Variants in EDEM2 observed in about 807,000 individuals in gnomAD.
EDEM2 encodes ER degradation enhancing alpha-mannosidase like protein 2, also known as ER degradation-enhancing alpha-mannosidase-like protein 2.
EDEM2 carries 39 observed loss-of-function variants against 64.8 expected under a neutral mutation model. The ratio of observed to expected loss-of-function variants is 0.60; its 90% CI spans 0.47 to 0.79. EDEM2 has a LOEUF of 0.79. EDEM2 is among the 30% of genes least tolerant of loss of function. The probability of loss-of-function intolerance (pLI) is 0.00; values close to 1 mark genes in which losing one functional copy is unlikely to be tolerated. For synonymous variants in EDEM2, 296 were observed against 291.5 expected, an observed-to-expected ratio of 1.02 and a Z score of -0.16; for missense variants, 609 against 731.3, an observed-to-expected ratio of 0.83 and a Z score of 1.93.
Position 35,145,027 on chromosome 20 carries a change from G to A in EDEM2, c.219-9C>T, listed in dbSNP as rs1242386142. ...TTAGAGTCAGAGAAAAACTGCAAAA[G>A]GACAGAAATCCCAGCCGCTTAGTAA... is the stretch of plus-strand genomic sequence containing the variant. On this transcript the variant is annotated splice_polypyrimidine_tract_variant and intron_variant, in intron 2 of 10. Coordinates refer to ENST00000374492, the MANE Select transcript of EDEM2 (RefSeq NM_018217.3). 2 of 1,613,800 alleles carry A rather than the reference G, an allele frequency of 1.2e-6. No homozygotes were observed. The highest frequency in any genetic ancestry group is 1.7e-6 in the Non-Finnish European group (2 of 1,179,798).
intron 6 of EDEM2, among the ~76,000 whole-genome samples, chr20:35,132,107 G>T (rs1055606102): frequency 2.0e-5 from 3 of 152,132 alleles, no homozygotes; most frequent in Non-Finnish European, 4.4e-5. Flanking sequence ...TGCTGTTGCC[G>T]CAATCTGTCT....
chr20:35,127,752 T>G (rs2085453666), intron 7 of EDEM2, among the ~76,000 whole-genome samples: 1 of 152,218 alleles, frequency 6.6e-6, no homozygotes, highest in Admixed American at 6.5e-5. Flanking sequence ...CCTCAGTGGA[T>G]GTCTGAAACC....
intron 7 of EDEM2, among the ~76,000 whole-genome samples, chr20:35,126,867 G>A (rs908313096): frequency 2.0e-5 from 3 of 152,074 alleles, no homozygotes; most frequent in East Asian, 1.9e-4. Flanking sequence ...AGCTGAGATC[G>A]CACCATTGCA....
In EDEM2 at chr20:35,115,400, CA is replaced by C. The variant is rs780732055; in HGVS notation, c.*32del. 6.3e-7 allele frequency: 1 copy of C among 1,584,210 alleles called. No homozygotes were observed. On this transcript the variant is annotated 3_prime_UTR_variant, in exon 11 of 11. Coordinates refer to ENST00000374492, the MANE Select transcript of EDEM2 (RefSeq NM_018217.3). ...AAAGCAATTTATTATAGTTTAGCCT[CA>C]AAAAAATAAAAATAAAAAAATTATC... is the stretch of plus-strand genomic sequence containing the variant.
At position 35,146,839 on chromosome 20, in the gene EDEM2, G is replaced by A. The variant is rs1235865479; in HGVS notation, c.204C>T (p.His68=). Residue 68 remains histidine (H), a synonymous_variant, in exon 2 of 11, where the codon CAC becomes CAT. Transcript: ENST00000374492. ...GCTCGCACTACCTGCCCCAGGTGTCGTGCCCGTCACAGGTGAGAGGTCGCA... is the reference window on the plus strand; with the variant it reads ...GCTCGCACTACCTGCCCCAGGTGTCATGCCCGTCACAGGTGAGAGGTCGCA... ...DELRPLTCDG[H]DTWGSFSLTL... is the part of the protein sequence containing the mutation. 1.2e-6 allele frequency: 2 copies of A among 1,613,872 alleles called. No individual in the cohort carries two copies. The highest frequency in any genetic ancestry group is 8.5e-7 in the Non-Finnish European group (1 of 1,179,986).
intron 10 of EDEM2, among the ~76,000 whole-genome samples, chr20:35,118,189 C>G (rs575698420): frequency 1.3e-5 from 2 of 152,274 alleles, no homozygotes; most frequent in South Asian, 4.1e-4. Flanking sequence ...TGAGACTAAG[C>G]AGGACTGCTT....
intron 4 of EDEM2, among the ~76,000 whole-genome samples, chr20:35,138,356 C>T (rs7265596): frequency 0.054 from 8,173 of 152,022 alleles, 736 homozygotes; most frequent in African/African-American, 0.19. Flanking sequence ...GTCCCCTCTT[C>T]GTATGAAGAT....
At chr20:35,122,931 T>G (rs2085386429) in intron 9 of EDEM2, among the ~76,000 whole-genome samples, 1 of 152,198 alleles carries the variant, frequency 6.6e-6, no homozygotes, top group African/African-American at 2.4e-5. Flanking sequence ...AATGGGCTCA[T>G]AGCCTGTTTT....
chr20:35,133,923 G>C (rs1290612260), intron 6 of EDEM2, among the ~76,000 whole-genome samples: 1 of 152,280 alleles, frequency 6.6e-6, no homozygotes, highest in East Asian at 1.9e-4. Context: ...ATATATTAAC[G>C]TTACTGCTGA....
chr20:35,139,349 CAA>C (rs57683623), intron 4 of EDEM2, among the ~76,000 whole-genome samples: 50 of 89,326 alleles, frequency 5.6e-4, no homozygotes, highest in Non-Finnish European at 7.4e-4. Flanking sequence ...GACTCCGTCT[CAA>C]AAAAAAAAAA....
At chr20:35,128,908 T>C (rs1246856889) in intron 7 of EDEM2, among the ~76,000 whole-genome samples, 1 of 147,390 alleles carries the variant, frequency 6.8e-6, no homozygotes, top group Non-Finnish European at 1.5e-5. Context: ...TACAAATGAG[T>C]CAAAAAGTTT....
chr20:35,119,558 G>A (rs189868252), intron 9 of EDEM2, among the ~76,000 whole-genome samples: 136 of 151,862 alleles, frequency 9.0e-4, no homozygotes, highest in Non-Finnish European at 1.5e-3. Context: ...AAGCCACTGC[G>A]GCACTCCAGC....
chr20:35,132,314 A>C (rs1467153117), intron 6 of EDEM2, among the ~76,000 whole-genome samples: 3 of 151,318 alleles, frequency 2.0e-5, no homozygotes, highest in Non-Finnish European at 4.4e-5. Context: ...GTATCCTTTG[A>C]CTTTTTTTTT....
chr20:35,133,392 C>G (rs2146103638), intron 6 of EDEM2, among the ~76,000 whole-genome samples: 1 of 151,792 alleles, frequency 6.6e-6, no homozygotes, highest in South Asian at 2.1e-4. Context: ...CCAACAGAGT[C>G]TACTACGGTC....
chr20:35,128,245 T>C (rs1016705820), intron 7 of EDEM2, among the ~76,000 whole-genome samples: 1 of 151,616 alleles, frequency 6.6e-6, no homozygotes, highest in East Asian at 1.9e-4. Context: ...TAGCTGGGTG[T>C]GGTGGCGGGC....
intron 2 of EDEM2, 75 bp downstream of exon 2, chr20:35,146,750 C>G (rs2085738132): frequency 6.6e-7 from 1 of 1,506,720 alleles, no homozygotes; most frequent in Admixed American, 1.9e-5. Flanking sequence ...ATGAAGCCAC[C>G]AGCCCCAGCT....
At chr20:35,126,083 A>T (rs1005133222) in intron 8 of EDEM2, among the ~76,000 whole-genome samples, 168 bp downstream of exon 8, 1 of 152,234 alleles carries the variant, frequency 6.6e-6, no homozygotes, top group African/African-American at 2.4e-5. Flanking sequence ...AATTTGGCAG[A>T]ACTCTAAATC....
At chr20:35,135,065 G>T in intron 5 of EDEM2, 116 bp from the exon 6 acceptor site, 1 of 1,011,906 alleles carries the variant, frequency 9.9e-7, no homozygotes, top group Non-Finnish European at 1.5e-6. Context: ...TGGGTATCCT[G>T]CTAGAGTCTG....
At chr20:35,146,184 T>C (rs1160493065) in intron 2 of EDEM2, among the ~76,000 whole-genome samples, 1 of 152,124 alleles carries the variant, frequency 6.6e-6, no homozygotes, top group Non-Finnish European at 1.5e-5. Context: ...GAGATATTTA[T>C]TGTATATAAT....
Sources: allele counts gnomAD v4.1 joint callset (sites outside exome capture counted in the v4.1 genomes callset), GRCh38; gene constraint gnomAD v4.1.1; transcripts MANE v1.5; gene names NCBI Gene and HGNC (gene_info 2026-07-23, HGNC 2026-07-21).